The following BTBD9 variants were observed in gnomAD, a reference collection of about 807,000 sequenced individuals.
BTBD9 encodes BTB domain containing 9, also known as BTB/POZ domain-containing protein 9.
BTBD9 carries 49 observed loss-of-function variants against 64.3 expected under a neutral mutation model. The observed-to-expected ratio is 0.76, with a 90% CI of 0.61 to 0.97. The LOEUF (loss-of-function observed/expected upper bound fraction) is 0.97, where lower values mean the gene tolerates loss of function less well. Ranked by LOEUF, BTBD9 falls within the 50% of genes least tolerant of loss-of-function variation. The pLI is 0.00. For synonymous variants in BTBD9, 260 were observed against 274.7 expected (o/e 0.95, Z 0.53); for missense variants, 598 against 762.1 (o/e 0.78, Z 2.53).
chr6:38,220,767 T>A (rs563532934), intron 9 of BTBD9, among the ~76,000 whole-genome samples: 5 of 152,362 alleles, frequency 3.3e-5, no homozygotes, highest in African/African-American at 1.2e-4. Context: ...AGTGGTTTAA[T>A]TATGCGAAGA....
At chr6:38,581,406 AT>A (rs1776279965) in intron 4 of BTBD9, among the ~76,000 whole-genome samples, 1 of 152,206 alleles carries the variant, frequency 6.6e-6, no homozygotes, top group East Asian at 1.9e-4. Flanking sequence ...TTTAAAAAAG[AT>A]ATCTTTTTTC....
intron 6 of BTBD9, among the ~76,000 whole-genome samples, chr6:38,454,734 C>G (rs1290109283): frequency 1.3e-5 from 2 of 150,896 alleles, no homozygotes; most frequent in Admixed American, 1.3e-4. Flanking sequence ...GGGCTTGAGG[C>G]TGCAGTGAGC....
In BTBD9 at chr6:38,434,814, T is replaced by C. The variant is rs148108759; in HGVS notation, c.1155-89721A>G. Among the ~76,000 whole-genome samples the C allele has an allele frequency of 3.4e-3, 519 of 152,106 alleles. 4 individuals are homozygous for C. The highest frequency in any genetic ancestry group is 5.7e-3 in the Non-Finnish European group (388 of 68,030). ...TGTTTTATATAGACAGATATATGTA[T>C]ACTACAGTCCCGCAGTATCCACTGG... On this transcript the variant is annotated intron_variant, in intron 6 of 10. Coordinates refer to ENST00000481247, the MANE Select transcript of BTBD9 (RefSeq NM_001099272.2).
chr6:38,461,782 C>A (rs1212184350), intron 6 of BTBD9, among the ~76,000 whole-genome samples: 1 of 152,214 alleles, frequency 6.6e-6, no homozygotes, highest in Non-Finnish European at 1.5e-5. Context: ...TTCCCACCAA[C>A]AGAGCAGCAG....
chr6:38,363,310 C>A (rs1765047763), intron 6 of BTBD9, among the ~76,000 whole-genome samples: 1 of 152,166 alleles, frequency 6.6e-6, no homozygotes, highest in Admixed American at 6.5e-5. Context: ...TGCCTGTAAG[C>A]CTTTGGGGAG....
At chr6:38,343,610 C>T (rs1042476277) in intron 7 of BTBD9, among the ~76,000 whole-genome samples, 1 of 152,130 alleles carries the variant, frequency 6.6e-6, no homozygotes, top group African/African-American at 2.4e-5. Context: ...CACCACAATT[C>T]TGTACAGCCT....
chr6:38,310,793 C>CTTTCT (rs1554137759), intron 7 of BTBD9, among the ~76,000 whole-genome samples: 15 of 150,920 alleles, frequency 9.9e-5, no homozygotes, highest in Admixed American at 1.3e-4. Flanking sequence ...ACCCTTCTAG[C>CTTTCT]TTTGTTTTGT....
At chr6:38,561,457 G>A (rs1775260464) in intron 6 of BTBD9, among the ~76,000 whole-genome samples, 1 of 151,994 alleles carries the variant, frequency 6.6e-6, no homozygotes, top group African/African-American at 2.4e-5. Flanking sequence ...TAGACCCAAA[G>A]GAAAATAAAT....
In BTBD9 at chr6:38,598,020, A is replaced by G. The variant is rs1467676042; in HGVS notation, c.75T>C (p.His25=). The change falls in exon 2 of 11, where the codon CAT becomes CAC. Residue 25 remains histidine (H), a synonymous_variant. Coordinates refer to ENST00000481247, the MANE Select transcript of BTBD9 (RefSeq NM_001099272.2). ...EIDHVHILSE[H]IGALLIGEEY... ...CTTCCCCAATCAACAAGGCACCAAT[A>G]TGTTCAGACAAAATGTGCACATGAT... The G allele has an allele frequency of 1.9e-6, 3 of 1,614,006 alleles. No individual in the cohort carries two copies. Among genetic ancestry groups the G allele is most frequent in the Non-Finnish European group, 2.5e-6 (3 of 1,179,868 alleles).
intron 6 of BTBD9, among the ~76,000 whole-genome samples, chr6:38,366,928 C>T (rs9470863): frequency 9.4e-4 from 143 of 152,326 alleles, no homozygotes; most frequent in African/African-American, 3.0e-3. Context: ...ACAAAGTGTG[C>T]TCTCAATGTC....
chr6:38,453,431 CA>C (rs1158053913), intron 6 of BTBD9, among the ~76,000 whole-genome samples: 12 of 152,132 alleles, frequency 7.9e-5, no homozygotes, highest in Non-Finnish European at 1.2e-4. Context: ...TTCTGTTCAG[CA>C]GCTTGTTACA....
intron 4 of BTBD9, among the ~76,000 whole-genome samples, chr6:38,585,509 T>C (rs1277492002): frequency 6.6e-6 from 1 of 152,098 alleles, no homozygotes; most frequent in East Asian, 1.9e-4. Context: ...TGCATCTCAC[T>C]ATATTGCCCA....
chr6:38,342,304 G>A (rs1304672719), intron 7 of BTBD9, among the ~76,000 whole-genome samples: 7 of 151,896 alleles, frequency 4.6e-5, no homozygotes, highest in Non-Finnish European at 7.4e-5. Context: ...GGGAGGCTGG[G>A]GCAGGTGGAT....
chr6:38,277,992 G>A (rs1761346555), intron 8 of BTBD9, among the ~76,000 whole-genome samples: 1 of 152,196 alleles, frequency 6.6e-6, no homozygotes, highest in African/African-American at 2.4e-5. Flanking sequence ...CTGACCGTAT[G>A]ACATAGTTCT....
intron 1 of BTBD9, among the ~76,000 whole-genome samples, chr6:38,603,593 C>T (rs920245023): frequency 6.6e-6 from 1 of 152,202 alleles, no homozygotes; most frequent in Non-Finnish European, 1.5e-5. Flanking sequence ...TTAACCAGAG[C>T]TAACTACATT....
chr6:38,295,168 ATTG>A (rs1469869850), intron 7 of BTBD9, among the ~76,000 whole-genome samples: 1 of 151,692 alleles, frequency 6.6e-6, no homozygotes, highest in African/African-American at 2.4e-5. Context: ...AAATTCTATT[ATTG>A]TTGTTGTTGT....
intron 9 of BTBD9, among the ~76,000 whole-genome samples, chr6:38,240,239 T>A (rs1299844283): frequency 1.3e-5 from 2 of 152,178 alleles, no homozygotes; most frequent in Non-Finnish European, 2.9e-5. Context: ...ACTGAGTCAC[T>A]CAGAGAAGAT....
chr6:38,270,387 G>C (rs189996024), intron 8 of BTBD9, among the ~76,000 whole-genome samples: 2 of 151,752 alleles, frequency 1.3e-5, no homozygotes, highest in African/African-American at 4.8e-5. Flanking sequence ...CAGGAAGGTA[G>C]AGACAAAAAA....
At chr6:38,416,337 CTT>C (rs35793205) in intron 6 of BTBD9, among the ~76,000 whole-genome samples, 17 of 138,502 alleles carry the variant, frequency 1.2e-4, no homozygotes, top group African/African-American at 1.9e-4. Context: ...CCCCTCTGTA[CTT>C]TTTTTTTTTT....
Sources: gnomAD v4.1 joint callset for allele counts (sites outside exome capture counted in the v4.1 genomes callset) on GRCh38, gnomAD v4.1.1 for gene constraint, MANE v1.5 for transcripts, NCBI Gene and HGNC (gene_info 2026-07-23, HGNC 2026-07-21) for gene names.